Variants in TSPEAR observed in about 807,000 individuals in gnomAD.
TSPEAR encodes the protein thrombospondin-type laminin G domain and EAR repeat-containing protein.
A neutral mutation model predicts 71.6 loss-of-function variants in TSPEAR; 69 were observed. The observed-to-expected ratio is 0.96, with a 90% confidence interval of 0.79 to 1.18. The LOEUF (loss-of-function observed/expected upper bound fraction) is 1.18, where lower values mean the gene tolerates loss of function less well. TSPEAR is among the 50% of genes most tolerant of loss of function. TSPEAR has a pLI of 0.00. For missense variants in TSPEAR, 971 were observed against 894.9 expected (o/e 1.09, Z -1.09); for synonymous variants, 402 against 387.2 (o/e 1.04, Z -0.45).
intron 2 of TSPEAR, among the ~76,000 whole-genome samples, chr21:44,565,776 A>G (rs2053695157): frequency 6.6e-6 from 1 of 152,218 alleles, no homozygotes; most frequent in Non-Finnish European, 1.5e-5. Flanking sequence ...GAAAAAATAA[A>G]AAGCATTCAT....
chr21:44,638,042 T>G, intron 1 of TSPEAR: 4 of 1,613,284 alleles, frequency 2.5e-6, no homozygotes, highest in Non-Finnish European at 3.4e-6. Flanking sequence ...CGTCCCCTCC[T>G]GCGGTGCCTC....
intron 9 of TSPEAR, among the ~76,000 whole-genome samples, 157 bp downstream of exon 9, chr21:44,521,726 A>G (rs1287329318): frequency 2.6e-5 from 4 of 152,038 alleles, no homozygotes; most frequent in Admixed American, 1.3e-4. Flanking sequence ...TGCCGTCCAG[A>G]GGAGCAGGCC....
intron 1 of TSPEAR, chr21:44,628,008 G>A (rs9979457): frequency 1.8e-5 from 29 of 1,613,534 alleles, no homozygotes; most frequent in African/African-American, 1.2e-4. Flanking sequence ...GCTCCCGCCC[G>A]GCCTGCTACA....
intron 11 of TSPEAR, among the ~76,000 whole-genome samples, chr21:44,501,188 G>A (rs1393008756): frequency 2.0e-5 from 3 of 152,168 alleles, no homozygotes; most frequent in Non-Finnish European, 2.9e-5. Context: ...GGTGGCTTAC[G>A]CCTATAATCT....
intron 1 of TSPEAR, among the ~76,000 whole-genome samples, chr21:44,584,178 T>TC (rs1348239970): frequency 3.9e-5 from 6 of 152,078 alleles, no homozygotes; most frequent in African/African-American, 1.4e-4. Context: ...ATAAGCGAGG[T>TC]CTGCAGTATT....
intron 1 of TSPEAR, among the ~76,000 whole-genome samples, chr21:44,595,688 G>A (rs57062552): frequency 0.092 from 13,972 of 152,218 alleles, 1,867 homozygotes; most frequent in African/African-American, 0.29. Context: ...AAGGACACCT[G>A]TTTACCATAT....
chr21:44,592,942 T>TG (rs1303544247), intron 1 of TSPEAR, among the ~76,000 whole-genome samples: 2 of 152,076 alleles, frequency 1.3e-5, no homozygotes, highest in Non-Finnish European at 2.9e-5. Context: ...CTGGGGCCCA[T>TG]GAGCCTTCAT....
intron 1 of TSPEAR, chr21:44,654,640 G>T: frequency 3.4e-6 from 5 of 1,465,786 alleles, no homozygotes; most frequent in Non-Finnish European, 4.6e-6. Flanking sequence ...GGTGGGGGGC[G>T]CAGAGGACAG....
intron 9 of TSPEAR, chr21:44,510,706 T>G (rs1303305822): frequency 6.6e-6 from 1 of 152,284 alleles, no homozygotes; most frequent in Non-Finnish European, 1.5e-5. Flanking sequence ...GAGCCTGGGC[T>G]GCAGGGGAGG....
intron 1 of TSPEAR, among the ~76,000 whole-genome samples, chr21:44,653,306 G>A (rs2146253972): frequency 6.6e-6 from 1 of 152,274 alleles, no homozygotes; most frequent in East Asian, 1.9e-4. Context: ...TGCAGCTTCT[G>A]AGCCAGTTTC....
At chr21:44,543,891 T>C (rs2053260769) in intron 2 of TSPEAR, among the ~76,000 whole-genome samples, 1 of 152,184 alleles carries the variant, frequency 6.6e-6, no homozygotes, top group African/African-American at 2.4e-5. Context: ...TTAGCTATGG[T>C]AGCACTAGGA....
intron 1 of TSPEAR, chr21:44,666,048 G>A (rs1985737776): frequency 5.9e-6 from 1 of 170,878 alleles, no homozygotes; most frequent in Non-Finnish European, 1.3e-5. Context: ...CTGCAGCTGC[G>A]CCCTCCACCC....
chr21:44,514,986 AAGTG>A (rs1436577688), intron 9 of TSPEAR, among the ~76,000 whole-genome samples: 14 of 152,176 alleles, frequency 9.2e-5, no homozygotes, highest in African/African-American at 1.4e-4. Flanking sequence ...TTCTGGGAGA[AAGTG>A]AGGTCTGTGT....
At chr21:44,576,235 G>A (rs587647538) in intron 1 of TSPEAR, among the ~76,000 whole-genome samples, 1 of 152,312 alleles carries the variant, frequency 6.6e-6, no homozygotes, top group East Asian at 1.9e-4. Context: ...CTGGCCACAC[G>A]GAGTCACAGT....
intron 1 of TSPEAR, chr21:44,702,693 C>A (rs1418885674): frequency 7.9e-6 from 12 of 1,527,572 alleles, no homozygotes; most frequent in Non-Finnish European, 1.1e-5. Flanking sequence ...CCTTCTCCTG[C>A]CAGCCCAGCT....
At chr21:44,530,353 C>A (rs2052942760) in intron 4 of TSPEAR, among the ~76,000 whole-genome samples, 1 of 151,978 alleles carries the variant, frequency 6.6e-6, no homozygotes, top group African/African-American at 2.4e-5. Context: ...TCCATGCATT[C>A]ATCCATCCAT....
chr21:44,514,852 G>A (rs1444396521), intron 9 of TSPEAR, among the ~76,000 whole-genome samples: 2 of 152,234 alleles, frequency 1.3e-5, no homozygotes, highest in East Asian at 1.9e-4. Flanking sequence ...CCTTCCCCAG[G>A]GTGGGCAGCC....
chr21:44,635,560 G>A (rs2146215028), intron 1 of TSPEAR, among the ~76,000 whole-genome samples: 1 of 152,228 alleles, frequency 6.6e-6, no homozygotes, highest in Middle Eastern at 3.4e-3. Flanking sequence ...AACAAAGCTA[G>A]ACACAAAGAC....
chr21:44,703,225 C>T (rs782508833), intron 1 of TSPEAR, among the ~76,000 whole-genome samples: 5 of 152,238 alleles, frequency 3.3e-5, no homozygotes, highest in African/African-American at 9.6e-5. Context: ...CCCCTGGCTT[C>T]GGCAACCCTA....
Sources: gnomAD v4.1 joint callset for allele counts (sites outside exome capture counted in the v4.1 genomes callset) on GRCh38, gnomAD v4.1.1 for gene constraint, MANE v1.5 for transcripts, NCBI Gene and HGNC (gene_info 2026-07-23, HGNC 2026-07-21) for gene names.